The following DMBT1 variants were observed in gnomAD, a reference collection of about 807,000 sequenced individuals.
DMBT1 encodes scavenger receptor cysteine-rich domain-containing protein DMBT1.
DMBT1 carries 198 observed loss-of-function variants against 252.9 expected under a neutral mutation model. The ratio of observed to expected loss-of-function variants is 0.78; its 90% CI spans 0.70 to 0.88. DMBT1 has a LOEUF of 0.88. Ranked by LOEUF, DMBT1 falls within the 40% of genes least tolerant of loss-of-function variation. The probability of loss-of-function intolerance (pLI) is 0.00; values close to 1 mark genes in which losing one functional copy is unlikely to be tolerated. For missense variants in DMBT1, 2,432 were observed against 2,404.7 expected (o/e 1.01, Z -0.24); for synonymous variants, 990 against 942.7 (o/e 1.05, Z -0.92).
chr10:122,572,829 G>C (rs180678335), intron 5 of DMBT1, among the ~76,000 whole-genome samples: 1 of 152,130 alleles, frequency 6.6e-6, no homozygotes, highest in Non-Finnish European at 1.5e-5. Context: ...AGGAGAGTGG[G>C]AGAACTCTTG....
At position 122,570,162 on chromosome 10, in the gene DMBT1, C is replaced by T. The variant is rs967156997; in HGVS notation, c.92C>T (p.Ala31Val). Residue 31 changes from alanine to valine, a missense_variant and splice_region_variant, in exon 3 of 56, where the codon GCT (alanine) becomes GTT (valine). Ala to Val is a moderately conservative substitution (Grantham distance 64). Transcript: ENST00000338354. Reference protein sequence around the residue: ...GGWIPRTTDYASLIPSEVPLD... With the variant: ...GGWIPRTTDYVSLIPSEVPLD... ...GAGCTCTTCCTTTTCCACCTCGCAGCTTCACTGATTCCCTCGGAGGTGCCC... is the reference window on the plus strand; with the variant it reads ...GAGCTCTTCCTTTTCCACCTCGCAGTTTCACTGATTCCCTCGGAGGTGCCC... The T allele has an allele frequency of 6.9e-6, 11 of 1,592,754 alleles. No individual in the cohort carries two copies. Among genetic ancestry groups the T allele is most frequent in the African/African-American group, 2.7e-5 (2 of 74,532 alleles).
At chr10:122,601,138 T>C in intron 28 of DMBT1, 115 bp downstream of exon 28, 1 of 445,322 alleles carries the variant, frequency 2.2e-6, no homozygotes, top group Non-Finnish European at 3.8e-6. Flanking sequence ...CCCTGTGGGT[T>C]GCGTGGGAGG....
chr10:122,589,682 G>T (rs910773024), intron 17 of DMBT1, among the ~76,000 whole-genome samples: 2 of 148,496 alleles, frequency 1.3e-5, no homozygotes, highest in African/African-American at 2.4e-5. Context: ...CAGGCTGCTT[G>T]TGCTCCTGGC....
At chr10:122,569,676 C>T in intron 2 of DMBT1, among the ~76,000 whole-genome samples, 1 of 152,232 alleles carries the variant, frequency 6.6e-6, no homozygotes. Context: ...ACTGGACTCC[C>T]CAAGGGGACA....
intron 1 of DMBT1, among the ~76,000 whole-genome samples, chr10:122,562,516 C>T (rs1206843229): frequency 1.3e-5 from 2 of 152,218 alleles, no homozygotes; most frequent in Non-Finnish European, 2.9e-5. Context: ...TCAGAAGCAT[C>T]TGAAACTGGG....
chr10:122,618,417 C>A (rs911060470), intron 41 of DMBT1, 77 bp downstream of exon 41: 1 of 1,605,924 alleles, frequency 6.2e-7, no homozygotes, highest in Non-Finnish European at 8.5e-7. Flanking sequence ...ACATTCTGAT[C>A]TCCTCACTCA....
chr10:122,630,044 C>T, intron 47 of DMBT1, 51 bp downstream of exon 47: 5 of 1,606,716 alleles, frequency 3.1e-6, no homozygotes, highest in Non-Finnish European at 4.3e-6. Context: ...TGCAGCACAC[C>T]CACTGGTTTA....
chr10:122,592,824 C>T (rs558524772), intron 20 of DMBT1, among the ~76,000 whole-genome samples: 1 of 148,724 alleles, frequency 6.7e-6, no homozygotes, highest in African/African-American at 2.4e-5. Context: ...GACTTTATCC[C>T]CTTCCTGAGG....
intron 10 of DMBT1, 93 bp downstream of exon 10, chr10:122,579,994 T>C (rs2097753813): frequency 2.5e-6 from 4 of 1,569,732 alleles, no homozygotes; most frequent in Non-Finnish European, 3.4e-6. Flanking sequence ...ACTCAAAGCT[T>C]CTATGTTTTC....
chr10:122,588,833 C>T, intron 16 of DMBT1, 111 bp from the exon 17 acceptor site: 1 of 1,533,288 alleles, frequency 6.5e-7, no homozygotes, highest in Non-Finnish European at 8.9e-7. Flanking sequence ...TTAATCGTGA[C>T]TGCCTGCCCA....
intron 1 of DMBT1, among the ~76,000 whole-genome samples, chr10:122,565,259 A>T (rs1343125908): frequency 2.0e-5 from 3 of 152,250 alleles, no homozygotes; most frequent in Non-Finnish European, 4.4e-5. Flanking sequence ...TCTTGGATTT[A>T]TAAAAGGATC....
chr10:122,586,795 C>T (rs1359953148), intron 16 of DMBT1, among the ~76,000 whole-genome samples: 2 of 148,430 alleles, frequency 1.3e-5, no homozygotes, highest in Non-Finnish European at 1.5e-5. Flanking sequence ...CTGAGGACCT[C>T]AGGCTGCTTG....
At chr10:122,618,417 C>G (rs911060470) in intron 41 of DMBT1, 77 bp downstream of exon 41, 1 of 1,606,042 alleles carries the variant, frequency 6.2e-7, no homozygotes, top group Non-Finnish European at 8.5e-7. Context: ...ACATTCTGAT[C>G]TCCTCACTCA....
chr10:122,630,324 T>G lies in DMBT1; in HGVS notation c.5859T>G (p.Val1953=). Residue 1953 remains valine (V), a synonymous_variant, in exon 48 of 56, where the codon GTT becomes GTG. Coordinates refer to ENST00000338354, the MANE Select transcript of DMBT1 (RefSeq NM_001377530.1). ...ACCATAACTGCAGTTTTGATTATGT[T>G]GAAATCTTTGATGGATCATTGAATA... ...EAHHNCSFDY[V]EIFDGSLNSS... is the part of the protein sequence containing the mutation. 1 of 1,614,070 alleles carries G rather than the reference T, an allele frequency of 6.2e-7. No homozygotes were observed. The highest frequency in any genetic ancestry group is 8.5e-7 in the Non-Finnish European group (1 of 1,179,892).
At chr10:122,587,049 A>G (rs1336584751) in intron 16 of DMBT1, among the ~76,000 whole-genome samples, 4 of 148,652 alleles carry the variant, frequency 2.7e-5, no homozygotes, top group African/African-American at 7.3e-5. Context: ...GTTGGCCTTC[A>G]TGACCCAGAC....
At chr10:122,630,536 C>A in intron 48 of DMBT1, 46 bp downstream of exon 48, 1 of 1,580,388 alleles carries the variant, frequency 6.3e-7, no homozygotes, top group Non-Finnish European at 8.7e-7. Context: ...TGGATTTACC[C>A]AGCTGCCTCT....
rs1441691506 is a variant in DMBT1, at chr10:122,597,065, A to G, written c.2917+11A>G. 1 of 548,324 alleles carries G rather than the reference A, an allele frequency of 1.8e-6. No individual in the cohort carries two copies. The highest frequency in any genetic ancestry group is 3.1e-6 in the Non-Finnish European group (1 of 323,138). 34.0% of individuals were successfully genotyped at this position (548,324 alleles called of 1,614,324 possible). A position where few individuals can be genotyped will look rare whatever the true frequency, so the allele number is the denominator to read the frequency against. On this transcript the variant is annotated intron_variant, in intron 24 of 55. Coordinates refer to ENST00000338354, the MANE Select transcript of DMBT1 (RefSeq NM_001377530.1). Reference sequence around the variant, plus strand: ...CGACGCCCAGTCCAGGTGAGTCCCCAGTGTCCTTCCTTGGGATGTCCCTTC... The same window carrying G: ...CGACGCCCAGTCCAGGTGAGTCCCCGGTGTCCTTCCTTGGGATGTCCCTTC...
At chr10:122,620,938 A>G (rs904789802) in intron 43 of DMBT1, 119 bp from the exon 44 acceptor site, 8 of 1,535,734 alleles carry the variant, frequency 5.2e-6, no homozygotes, top group Non-Finnish European at 7.0e-6. Context: ...ATTCATATTC[A>G]AAGGTGATTA....
intron 6 of DMBT1, among the ~76,000 whole-genome samples, chr10:122,575,375 A>C (rs765814626): frequency 2.0e-5 from 3 of 152,228 alleles, no homozygotes; most frequent in Non-Finnish European, 2.9e-5. Flanking sequence ...CAAAGAACTC[A>C]ATGCTAGACA....
Sources: allele counts gnomAD v4.1 joint callset (sites outside exome capture counted in the v4.1 genomes callset), GRCh38; gene constraint gnomAD v4.1.1; transcripts MANE v1.5; gene names NCBI Gene and HGNC (gene_info 2026-07-23, HGNC 2026-07-21).